NEB: variants seen among roughly 807,000 people sequenced by gnomAD.
The protein encoded by NEB is nebulin, also known as nemaline myopathy type 2.
NEB carries 512 observed loss-of-function variants against 952.2 expected under a neutral mutation model. The ratio of observed to expected loss-of-function variants is 0.54; its 90% CI spans 0.50 to 0.58. NEB has a LOEUF of 0.58. Ranked by LOEUF, NEB falls within the 20% of genes least tolerant of loss-of-function variation. NEB has a pLI of 0.00. For synonymous variants in NEB, 2,900 were observed against 3,149.8 expected (o/e 0.92, Z 2.66); for missense variants, 8,428 against 9,231.1 (o/e 0.91, Z 3.56).
chr2:151,713,229 C>G (rs75944430), intron 10 of NEB, among the ~76,000 whole-genome samples: 4,106 of 152,166 alleles, frequency 0.027, 204 homozygotes, highest in African/African-American at 0.094. Context: ...TATGTGGTTA[C>G]CAAATGGAAA....
intron 71 of NEB, among the ~76,000 whole-genome samples, chr2:151,624,291 T>C (rs1158242562): frequency 6.6e-6 from 1 of 152,086 alleles, no homozygotes; most frequent in Non-Finnish European, 1.5e-5. Context: ...GCTGAAAATT[T>C]TAGAATTAAA....
In NEB at chr2:151,519,058, C is replaced by G; in HGVS notation, c.22602G>C (p.Lys7534Asn). 6.2e-7 allele frequency: 1 copy of G among 1,609,446 alleles called. No individual in the cohort carries two copies. Among genetic ancestry groups the G allele is most frequent in the Non-Finnish European group, 8.5e-7 (1 of 1,175,888 alleles). Residue 7534 changes from lysine to asparagine, a missense_variant, in exon 155 of 182, where the codon AAG becomes AAC. This residue lies in a region of NEB where 3,374 missense variants were observed against 3,651.5 expected (regional missense o/e 0.92). Coordinates refer to ENST00000397345, the MANE Select transcript of NEB (RefSeq NM_001164508.2). ...GTTTGTGAAGTTTCTTCAGGTCAGC[C>G]TTGTATTTAACCTGTGTGTTATGGG... ...ANNLASEVKY[K>N]ADLKKLHKPV...
intron 153 of NEB, among the ~76,000 whole-genome samples, chr2:151,523,223 T>C (rs547001246): frequency 3.3e-5 from 5 of 152,348 alleles, no homozygotes; most frequent in Middle Eastern, 3.4e-3. Flanking sequence ...CAAATACTTA[T>C]ACAATTCCAT....
Position 151,664,496 on chromosome 2 carries a change from C to T in NEB, c.5451+5G>A, listed in dbSNP as rs1191961435. Reference sequence around the variant, plus strand: ...ACCCCAAAAAGGCCCAGTGCAAGCACTTACATCACTGGCAATGTCTCTAGA... The same window carrying T: ...ACCCCAAAAAGGCCCAGTGCAAGCATTTACATCACTGGCAATGTCTCTAGA... On this transcript the variant is annotated splice_donor_5th_base_variant and intron_variant, in intron 44 of 181. Coordinates refer to ENST00000397345, the MANE Select transcript of NEB (RefSeq NM_001164508.2). The T allele has an allele frequency of 2.5e-6, 4 of 1,572,438 alleles. No homozygotes were observed. Among genetic ancestry groups the T allele is most frequent in the Non-Finnish European group, 3.4e-6 (4 of 1,161,790 alleles).
At position 151,560,636 on chromosome 2, in the gene NEB, A is replaced by G; in HGVS notation, c.19270T>C (p.Leu6424=). The G allele has an allele frequency of 6.2e-7, 1 of 1,612,726 alleles. No individual in the cohort carries two copies. The highest frequency in any genetic ancestry group is 8.5e-7 in the Non-Finnish European group (1 of 1,179,472). Reference sequence around the variant, plus strand: ...TGGTTCTTGGCGTGTGTCAGGGACAAGGTGCTGGAAGGCAGGATGTAGCTG... The same window carrying G: ...TGGTTCTTGGCGTGTGTCAGGGACAGGGTGCTGGAAGGCAGGATGTAGCTG... The part of the protein sequence containing the change: ...ATSYILPSST[L]SLTHAKNQKH... Residue 6424 remains leucine, a synonymous_variant, in exon 124 of 182, where the codon TTG becomes CTG. Transcript: ENST00000397345.
In NEB at chr2:151,663,808, G is replaced by A. The variant is rs199694315; in HGVS notation, c.5503C>T (p.Arg1835Trp). 6.3e-4 allele frequency: 1,020 copies of A among 1,613,784 alleles called. 3 individuals carry two copies. Among genetic ancestry groups the A allele is most frequent in the Non-Finnish European group, 8.4e-4 (991 of 1,179,748 alleles). ...AGCTTGGGGTCATCTTCCAGGCTCC[G>A]GAAGCCAATGTGTTTCCCTTTGGCT... is the stretch of plus-strand genomic sequence containing the variant. ...EQAKGKHIGF[R>W]SLEDDPKLVH... Residue 1835 changes from arginine to tryptophan, a missense_variant, in exon 45 of 182, where the codon CGG (arginine) becomes TGG (tryptophan). This residue lies in a region of NEB where 2,851 missense variants were observed against 2,791.5 expected (regional missense o/e 1.02). Transcript: ENST00000397345.
At chr2:151,665,281 G>A in intron 42 of NEB, 52 bp downstream of exon 42, 2 of 1,550,660 alleles carry the variant, frequency 1.3e-6, no homozygotes, top group South Asian at 1.1e-5. Flanking sequence ...CAGGCTCAAT[G>A]TCATGAACAC....
chr2:151,656,316 G>C lies in NEB; in HGVS notation c.6332C>G (p.Thr2111Ser). ...EYKKNYENTKTSYHTPADMLS... is the reference protein window; with the variant it reads ...EYKKNYENTKSSYHTPADMLS... The stretch of plus-strand genomic sequence containing the variant: ...CATGTCGGCAGGGGTGTGGTAGCTG[G>C]TCTTTGTGTTCTCATAGTTTTTCTT... The change falls in exon 49 of 182, where the codon ACC becomes AGC. Residue 2111 changes from threonine (T) to serine (S), a missense_variant. This residue lies in a region of NEB where 2,851 missense variants were observed against 2,791.5 expected (regional missense o/e 1.02). Transcript: ENST00000397345. 1 of 1,613,672 alleles carries C rather than the reference G, an allele frequency of 6.2e-7. No homozygotes were observed. The highest frequency in any genetic ancestry group is 1.1e-5 in the South Asian group (1 of 91,064).
At chr2:151,613,678 T>C (rs1023505751) in intron 77 of NEB, among the ~76,000 whole-genome samples, 3 of 152,038 alleles carry the variant, frequency 2.0e-5, no homozygotes, top group Non-Finnish European at 4.4e-5. Flanking sequence ...TGGTGGGAGG[T>C]GATTGGACTT....
intron 113 of NEB, 24 bp downstream of exon 113, chr2:151,568,047 T>C: frequency 3.8e-6 from 6 of 1,587,528 alleles, no homozygotes; most frequent in Non-Finnish European, 5.2e-6. Context: ...TTTTGCAAAA[T>C]GCACTCCCAT....
At chr2:151,676,710 C>T (rs72863283) in intron 34 of NEB, among the ~76,000 whole-genome samples, 5 of 152,058 alleles carry the variant, frequency 3.3e-5, no homozygotes, top group African/African-American at 1.2e-4. Flanking sequence ...CTCTGGTAGG[C>T]AGTTACCTGT....
intron 110 of NEB, 107 bp from the exon 111 acceptor site, chr2:151,568,823 G>T: frequency 1.3e-6 from 1 of 770,344 alleles, no homozygotes; most frequent in Non-Finnish European, 2.0e-6. Flanking sequence ...ATACAGTGCC[G>T]TATTTGAATA....
At position 151,724,088 on chromosome 2, in the gene NEB, C is replaced by T. The variant is rs544311834; in HGVS notation, c.612+172G>A. Among the ~76,000 whole-genome samples the T allele has an allele frequency of 2.6e-5, 4 of 152,236 alleles. No individual in the cohort carries two copies. In the East Asian group the frequency reaches 7.7e-4, roughly 29 times the overall value. On this transcript the variant is annotated intron_variant, in intron 8 of 181. Coordinates refer to ENST00000397345, the MANE Select transcript of NEB (RefSeq NM_001164508.2). ...CTCCCCACTCTGCCTAGGAGCTTTC[C>T]TCTCAGTTCCTTTTTGCCAAGCCCT...
chr2:151,516,712 G>C (rs2077898389), intron 156 of NEB, 149 bp from the exon 157 acceptor site: 1 of 650,716 alleles, frequency 1.5e-6, no homozygotes. Flanking sequence ...TTCAGATCCA[G>C]TACATTTTTG....
chr2:151,549,612 C>A, intron 130 of NEB, 24 bp downstream of exon 130: 1 of 1,480,894 alleles, frequency 6.8e-7, no homozygotes. Context: ...TCAGACCCAT[C>A]TCAATGAGGA....
Position 151,677,611 on chromosome 2 carries a change from G to C in NEB, c.3728C>G (p.Ser1243Cys). ...CTGTTTTGCCTGGACCATAACTGGG[G>C]AGTCCACAATGCTGGTAAATTTGAG... is the stretch of plus-strand genomic sequence containing the variant. ...DTLKFTSIVD[S>C]PVMVQAKQNT... The change falls in exon 34 of 182, where the codon TCC becomes TGC. Residue 1243 changes from serine to cysteine, a missense_variant. Coordinates refer to ENST00000397345, the MANE Select transcript of NEB (RefSeq NM_001164508.2). The C allele has an allele frequency of 6.2e-7, 1 of 1,613,948 alleles. No individual in the cohort carries two copies. The highest frequency in any genetic ancestry group is 8.5e-7 in the Non-Finnish European group (1 of 1,179,876).
rs748741696 is a variant in NEB at position 151,606,558 on chromosome 2, C to T, written c.12747+48G>A. 4 of 617,188 alleles carry T rather than the reference C, an allele frequency of 6.5e-6. 2 individuals carry two copies. The highest frequency in any genetic ancestry group is 3.4e-5 in the South Asian group (2 of 58,176). The allele number at this position is 617,188 out of a possible 1,614,324, so 38.2% of individuals were successfully genotyped here. On this transcript the variant is annotated intron_variant, in intron 84 of 181. Transcript: ENST00000397345. ...AAATTCTTGAAAAATAGTCTCCCTG[C>T]TCGTTTTGTAGAAAAGAAAAACCAC... is the stretch of plus-strand genomic sequence containing the variant.
At chr2:151,669,486 A>G (rs1575678249) in intron 38 of NEB, among the ~76,000 whole-genome samples, 1 of 152,244 alleles carries the variant, frequency 6.6e-6, no homozygotes, top group Admixed American at 6.5e-5. Flanking sequence ...TCATTGTAGC[A>G]AAGAAACAAG....
rs1407618713 is a variant in NEB at position 151,694,169 on chromosome 2, G to T, written c.1896+154C>A. On this transcript the variant is annotated intron_variant, in intron 20 of 181. Coordinates refer to ENST00000397345, the MANE Select transcript of NEB (RefSeq NM_001164508.2). Reference sequence around the variant, plus strand: ...CAAAGGCATCAACAAGAATAAGGAAGTTCATCTTCCTTTAGCACCTGGGTG... The same window carrying T: ...CAAAGGCATCAACAAGAATAAGGAATTTCATCTTCCTTTAGCACCTGGGTG... Among the ~76,000 whole-genome samples the T allele has an allele frequency of 2.0e-5, 3 of 152,330 alleles. No individual in the cohort carries two copies. The East Asian group carries it at 5.8e-4, about 29-fold the overall frequency.
Sources: gnomAD v4.1 joint callset for allele counts (sites outside exome capture counted in the v4.1 genomes callset) on GRCh38, gnomAD v4.1.1 for gene constraint, gnomAD v4.1.1 regional missense constraint, MANE v1.5 for transcripts, NCBI Gene and HGNC (gene_info 2026-07-23, HGNC 2026-07-21) for gene names.